The following OXGR1 variants were observed in gnomAD, a reference collection of about 807,000 sequenced individuals.
OXGR1 encodes 2-oxoglutarate receptor 1.
Under a neutral mutation model 10.0 loss-of-function variants are expected in OXGR1, and 10 were observed. The observed-to-expected ratio is 1.00, with a 90% confidence interval of 0.62 to 1.70. The LOEUF is 1.70. OXGR1 is among the 40% of genes most tolerant of loss of function. OXGR1 has a pLI of 0.00. For missense variants in OXGR1, 398 were observed against 407.6 expected, an observed-to-expected ratio of 0.98 and a Z score of 0.20; for synonymous variants, 191 against 155.9, an observed-to-expected ratio of 1.22 and a Z score of -1.68.
At position 96,987,676 on chromosome 13, in the gene OXGR1, GT is replaced by G; in HGVS notation, c.83del (p.Asn28ThrfsTer26). The G allele has an allele frequency of 6.2e-7, 1 of 1,614,080 alleles. No individual in the cohort carries two copies. On this transcript the variant is annotated frameshift_variant, in exon 4 of 4. Transcript: ENST00000541038. LOFTEE classifies it high-confidence loss of function. The part of the protein sequence containing the change: ...AAAFGNCTDE[N>X]IPLKMHYLPV... ...GGAGGTAGTGCATCTTGAGTGGGAT[GT>G]TTTCATCAGTGCAATTTCCAAAAGC... is the stretch of plus-strand genomic sequence containing the variant.
Position 96,986,607 on chromosome 13 carries a change from T to C in OXGR1, c.*139A>G. On this transcript the variant is annotated 3_prime_UTR_variant, in exon 4 of 4. Transcript: ENST00000541038. ...AAAGGGATTGCAAAGAACTAGAAGCTCTGCCCTGGCTTTGGCACATGATTA... is the reference window on the plus strand; with the variant it reads ...AAAGGGATTGCAAAGAACTAGAAGCCCTGCCCTGGCTTTGGCACATGATTA... The C allele has an allele frequency of 1.2e-6, 1 of 857,526 alleles. No individual in the cohort carries two copies. The highest frequency in any genetic ancestry group is 1.8e-6 in the Non-Finnish European group (1 of 565,654). The allele number at this position is 857,526 out of a possible 1,614,324, so 53.1% of individuals were successfully genotyped here. A position where few individuals can be genotyped will look rare whatever the true frequency, so the allele number is the denominator to read the frequency against.
intron 2 of OXGR1, among the ~76,000 whole-genome samples, chr13:96,991,264 A>G (rs2138902731): frequency 6.6e-6 from 1 of 152,318 alleles, no homozygotes; most frequent in East Asian, 1.9e-4. Context: ...TAACAACAGC[A>G]CACAAAAAAC....
chr13:96,994,611 C>A (rs1232992824), upstream of OXGR1: 1 of 152,146 alleles, frequency 6.6e-6, no homozygotes, highest in African/African-American at 2.4e-5. Flanking sequence ...ACCAGCCCGG[C>A]GGGAGGGTTG....
intron 1 of OXGR1, among the ~76,000 whole-genome samples, chr13:96,993,509 A>G (rs1004786358): frequency 6.6e-6 from 1 of 152,170 alleles, no homozygotes; most frequent in Non-Finnish European, 1.5e-5. Context: ...GACGTGAGCC[A>G]CACACCCGGC....
intron 3 of OXGR1, among the ~76,000 whole-genome samples, chr13:96,989,013 C>T (rs915546128): frequency 1.3e-5 from 2 of 151,862 alleles, no homozygotes; most frequent in Non-Finnish European, 2.9e-5. Flanking sequence ...GTGGACATGG[C>T]AAATTATTTT....
At chr13:96,993,177 C>T (rs564926330) in intron 1 of OXGR1, among the ~76,000 whole-genome samples, 1 of 152,260 alleles carries the variant, frequency 6.6e-6, no homozygotes, top group South Asian at 2.1e-4. Context: ...AAGGCTCTTC[C>T]CTCAATCCCC....
chr13:96,992,759 C>G (rs571434912), intron 1 of OXGR1, among the ~76,000 whole-genome samples, 187 bp from the exon 2 acceptor site: 1 of 152,292 alleles, frequency 6.6e-6, no homozygotes, highest in Admixed American at 6.5e-5. Flanking sequence ...AGCTCATTAT[C>G]CAACAATGCC....
Position 96,986,372 on chromosome 13 carries a change from A to G in OXGR1, c.*374T>C, listed in dbSNP as rs17301222. On this transcript the variant is annotated 3_prime_UTR_variant, in exon 4 of 4. Transcript: ENST00000541038. ...CAGAGAAGCATGAAATGATGAGTGA[A>G]AAGATTGGTTTTCTCCTATCTTGGC... 0.019 allele frequency: 3,738 copies of G among 193,746 alleles called. 55 individuals are homozygous for G. The highest frequency in any genetic ancestry group is 0.027 in the Non-Finnish European group (2,542 of 94,602). The allele number at this position is 193,746 out of a possible 1,614,324, so 12.0% of individuals were successfully genotyped here.
rs1232857663 is a variant in OXGR1 at position 96,987,306 on chromosome 13, C to T, written c.454G>A (p.Val152Ile). 3.7e-6 allele frequency: 6 copies of T among 1,614,220 alleles called. No individual in the cohort carries two copies. Among genetic ancestry groups the T allele is most frequent in the Non-Finnish European group, 3.4e-6 (4 of 1,180,050 alleles). Residue 152 changes from valine (V) to isoleucine (I), a missense_variant, in exon 4 of 4, where the codon GTA becomes ATA. Val to Ile is a conservative substitution (Grantham distance 29, BLOSUM62 3). Coordinates refer to ENST00000541038, the MANE Select transcript of OXGR1 (RefSeq NM_001346194.2). The stretch of plus-strand genomic sequence containing the variant: ...ATGATCCACACCACAGCACAGGCTA[C>T]AACTGCACATCGAGTTTTGTGAATG... ...FSIHKTRCAVVACAVVWIISL... is the reference protein window; with the variant it reads ...FSIHKTRCAVIACAVVWIISL...
intron 2 of OXGR1, among the ~76,000 whole-genome samples, chr13:96,990,784 A>C (rs1052713095): frequency 1.3e-5 from 2 of 151,828 alleles, no homozygotes; most frequent in African/African-American, 4.9e-5. Context: ...TCTCTATTAA[A>C]AATACAAAAA....
intron 1 of OXGR1, among the ~76,000 whole-genome samples, chr13:96,993,110 G>T (rs74107006): frequency 0.036 from 5,430 of 152,272 alleles, 323 homozygotes; most frequent in African/African-American, 0.12. Flanking sequence ...GACTGGGTAA[G>T]TGCTGTCCTC....
chr13:96,992,096 G>A (rs1341400910), intron 2 of OXGR1, among the ~76,000 whole-genome samples: 3 of 151,934 alleles, frequency 2.0e-5, no homozygotes, highest in African/African-American at 7.3e-5. Context: ...AGAGTAGTGG[G>A]GGACTGGTGG....
chr13:96,988,286 C>T (rs1177373548), intron 3 of OXGR1, among the ~76,000 whole-genome samples: 2 of 152,124 alleles, frequency 1.3e-5, no homozygotes, highest in Non-Finnish European at 2.9e-5. Context: ...TTTTGCGGCT[C>T]GTCTCTGGTA....
At chr13:96,987,909 A>G in intron 3 of OXGR1, 76 bp from the exon 4 acceptor site, 1 of 1,092,352 alleles carries the variant, frequency 9.2e-7, no homozygotes, top group South Asian at 2.4e-5. Context: ...AAATTATTCT[A>G]ACATCCTAAA....
At position 96,987,536 on chromosome 13, in the gene OXGR1, AG is replaced by A. The variant is rs868439119; in HGVS notation, c.223del (p.Leu75TrpfsTer9). ...WKSSTIIMLN[L>X]ACTDLLYLTS... ...CAGATACAGCAGATCTGTGCAGGCCAGGTTCAGCATAATGATGGTGCTGCTC... is the reference window on the plus strand; with the variant it reads ...CAGATACAGCAGATCTGTGCAGGCCAGTTCAGCATAATGATGGTGCTGCTC... On this transcript the variant is annotated frameshift_variant, in exon 4 of 4. Transcript: ENST00000541038. LOFTEE classifies it high-confidence loss of function. 3 of 1,614,158 alleles carry A rather than the reference AG, an allele frequency of 1.9e-6. No homozygotes were observed. Among genetic ancestry groups the A allele is most frequent in the African/African-American group, 2.7e-5 (2 of 75,060 alleles).
chr13:96,989,215 G>T (rs1881932675), intron 3 of OXGR1, among the ~76,000 whole-genome samples: 1 of 152,164 alleles, frequency 6.6e-6, no homozygotes, highest in Non-Finnish European at 1.5e-5. Context: ...ATCAGAGTCT[G>T]CCACCATTAT....
chr13:96,986,626 A>ATGAT lies in OXGR1; in HGVS notation c.*116_*119dup. 2 of 1,089,078 alleles carry ATGAT rather than the reference A, an allele frequency of 1.8e-6. No homozygotes were observed. Among genetic ancestry groups the ATGAT allele is most frequent in the Non-Finnish European group, 1.3e-6 (1 of 768,020 alleles). 67.5% of individuals were successfully genotyped at this position (1,089,078 alleles called of 1,614,324 possible). On this transcript the variant is annotated 3_prime_UTR_variant, in exon 4 of 4. Coordinates refer to ENST00000541038, the MANE Select transcript of OXGR1 (RefSeq NM_001346194.2). ...AGAAGCTCTGCCCTGGCTTTGGCAC[A>ATGAT]TGATTACTTGAATACACAGTATTTA...
At chr13:96,988,978 G>A (rs1439291274) in intron 3 of OXGR1, among the ~76,000 whole-genome samples, 1 of 152,126 alleles carries the variant, frequency 6.6e-6, no homozygotes, top group Non-Finnish European at 1.5e-5. Context: ...AGATGTATAT[G>A]CCACTGTCAC....
chr13:96,989,551 G>C (rs1218256640), intron 3 of OXGR1, among the ~76,000 whole-genome samples: 1 of 152,208 alleles, frequency 6.6e-6, no homozygotes, highest in African/African-American at 2.4e-5. Flanking sequence ...CAAATGGTGA[G>C]GTAGTGCTGT....
Sources: allele counts gnomAD v4.1 joint callset (sites outside exome capture counted in the v4.1 genomes callset), GRCh38; gene constraint gnomAD v4.1.1; transcripts MANE v1.5; gene names NCBI Gene and HGNC (gene_info 2026-07-23, HGNC 2026-07-21).